THSD7A: variants seen among roughly 807,000 people sequenced by gnomAD.
THSD7A encodes the protein thrombospondin type 1 domain containing 7A, also known as thrombospondin type-1 domain-containing protein 7A.
A neutral mutation model predicts 231.3 loss-of-function variants in THSD7A; 96 were observed. The observed-to-expected ratio is 0.41, with a 90% CI of 0.35 to 0.49. The LOEUF (loss-of-function observed/expected upper bound fraction) is 0.49. THSD7A is among the 20% of genes least tolerant of loss of function. The probability of loss-of-function intolerance (pLI) is 0.05; values close to 1 mark genes in which losing one functional copy is unlikely to be tolerated. For synonymous variants in THSD7A, 940 were observed against 743.3 expected, an observed-to-expected ratio of 1.26 and a Z score of -4.30; for missense variants, 2,290 against 2,070.2, an observed-to-expected ratio of 1.11 and a Z score of -2.06.
intron 1 of THSD7A, among the ~76,000 whole-genome samples, chr7:11,723,393 T>C (rs745945731): frequency 1.3e-5 from 2 of 151,056 alleles, no homozygotes; most frequent in Non-Finnish European, 2.9e-5. Context: ...AGTTAATGAG[T>C]GCAGCACACA....
chr7:11,802,856 C>T (rs1454206698), intron 1 of THSD7A, among the ~76,000 whole-genome samples: 2 of 152,016 alleles, frequency 1.3e-5, no homozygotes, highest in Admixed American at 6.6e-5. Flanking sequence ...TGTGAAGTTC[C>T]GTGCTATGTT....
At chr7:11,582,525 C>A (rs1791210602) in intron 4 of THSD7A, among the ~76,000 whole-genome samples, 1 of 152,076 alleles carries the variant, frequency 6.6e-6, no homozygotes, top group African/African-American at 2.4e-5. Flanking sequence ...TTACCAAATT[C>A]TTTTCTCATC....
Position 11,529,984 on chromosome 7 carries a change from C to T in THSD7A, c.1822+11435G>A, listed in dbSNP as rs144904312. 3.9e-5 allele frequency among the ~76,000 whole-genome samples: 6 copies of T among 152,222 alleles called. No homozygotes were observed. The East Asian group carries it at 9.7e-4, about 25-fold the overall frequency. ...TTGCACTACAAAACAGCATTATAAA[C>T]AGGTCTCATTTCACAGAAAAGGAAA... On this transcript the variant is annotated intron_variant, in intron 6 of 27. Coordinates refer to ENST00000423059, the MANE Select transcript of THSD7A (RefSeq NM_015204.3).
intron 1 of THSD7A, among the ~76,000 whole-genome samples, chr7:11,660,183 T>G (rs1391461727): frequency 1.3e-5 from 2 of 151,552 alleles, no homozygotes; most frequent in Admixed American, 6.6e-5. Flanking sequence ...TTTCAACAGA[T>G]AGAGAGTAAC....
intron 1 of THSD7A, among the ~76,000 whole-genome samples, chr7:11,774,279 A>G (rs1783329782): frequency 6.6e-6 from 1 of 152,210 alleles, no homozygotes; most frequent in Non-Finnish European, 1.5e-5. Flanking sequence ...TAAGGTATTA[A>G]CAATAGTCAA....
chr7:11,460,818 TCA>T lies in THSD7A; in HGVS notation c.2502-55_2502-54del, dbSNP rs1785479558. 5 of 1,419,140 alleles carry T rather than the reference TCA, an allele frequency of 3.5e-6. No individual in the cohort carries two copies. The African/African-American group carries it at 7.0e-5, about 20-fold the overall frequency. The allele number at this position is 1,419,140 out of a possible 1,614,324, so 87.9% of individuals were successfully genotyped here. ...GGGAAGAAGCAAAAATGCCAGCAAA[TCA>T]CAGAGACACAGCAGCATGGAAACAT... On this transcript the variant is annotated intron_variant, in intron 10 of 27. Transcript: ENST00000423059.
At chr7:11,659,586 T>C (rs1440530780) in intron 1 of THSD7A, among the ~76,000 whole-genome samples, 1 of 151,502 alleles carries the variant, frequency 6.6e-6, no homozygotes, top group African/African-American at 2.4e-5. Flanking sequence ...ACTTAGTGTG[T>C]TGCAATTATC....
intron 8 of THSD7A, among the ~76,000 whole-genome samples, chr7:11,470,385 C>T (rs1785888854): frequency 6.6e-6 from 1 of 151,912 alleles, no homozygotes; most frequent in Non-Finnish European, 1.5e-5. Flanking sequence ...ATTTGTATGA[C>T]TAGGCCTTTT....
chr7:11,580,050 T>G (rs1402985147), intron 4 of THSD7A, among the ~76,000 whole-genome samples: 1 of 151,868 alleles, frequency 6.6e-6, no homozygotes, highest in Non-Finnish European at 1.5e-5. Flanking sequence ...AATCTGGCTG[T>G]TTTTTTTAAA....
chr7:11,394,231 T>A (rs984675231), intron 23 of THSD7A, among the ~76,000 whole-genome samples: 1 of 151,796 alleles, frequency 6.6e-6, no homozygotes, highest in Non-Finnish European at 1.5e-5. Flanking sequence ...TTAAAGAATT[T>A]TCAATCCACA....
intron 1 of THSD7A, among the ~76,000 whole-genome samples, chr7:11,755,822 G>A (rs1782655416): frequency 6.6e-6 from 1 of 152,004 alleles, no homozygotes; most frequent in Admixed American, 6.6e-5. Context: ...CTTAGAAACA[G>A]ATCTAGATGT....
At chr7:11,587,543 G>A (rs966664749) in intron 4 of THSD7A, among the ~76,000 whole-genome samples, 2 of 152,016 alleles carry the variant, frequency 1.3e-5, no homozygotes, top group Non-Finnish European at 2.9e-5. Flanking sequence ...TCCAACTTAG[G>A]ATATGTTCTG....
intron 19 of THSD7A, 88 bp from the exon 20 acceptor site, chr7:11,407,511 G>T: frequency 1.1e-6 from 1 of 918,006 alleles, no homozygotes. Flanking sequence ...GAGAAGGAGG[G>T]AGAAAAAGCA....
intron 1 of THSD7A, among the ~76,000 whole-genome samples, chr7:11,827,202 T>C (rs1192055379): frequency 1.3e-5 from 2 of 152,100 alleles, no homozygotes; most frequent in Non-Finnish European, 2.9e-5. Context: ...ATTTTTAATA[T>C]CTGAAATTCT....
chr7:11,449,068 A>C (rs1161824990), intron 11 of THSD7A, among the ~76,000 whole-genome samples: 1 of 152,076 alleles, frequency 6.6e-6, no homozygotes. Flanking sequence ...GGTGGTTCTC[A>C]TGTCTGGCTG....
intron 6 of THSD7A, 115 bp from the exon 7 acceptor site, chr7:11,482,097 A>G (rs1786451529): frequency 8.4e-7 from 1 of 1,190,532 alleles, no homozygotes. Context: ...TCTTACTTAA[A>G]AAAACGTAGC....
At chr7:11,654,027 A>G (rs147194280) in intron 1 of THSD7A, among the ~76,000 whole-genome samples, 1 of 151,948 alleles carries the variant, frequency 6.6e-6, no homozygotes, top group Non-Finnish European at 1.5e-5. Context: ...GGAGAAGAAG[A>G]AGCACAATCC....
chr7:11,469,789 A>G (rs1357501273), intron 9 of THSD7A, 90 bp downstream of exon 9: 1 of 854,702 alleles, frequency 1.2e-6, no homozygotes, highest in Non-Finnish European at 1.9e-6. Context: ...CCCTGTGCAA[A>G]ACTCACAAAC....
chr7:11,537,273 G>C (rs148240729), intron 6 of THSD7A, among the ~76,000 whole-genome samples: 2 of 152,270 alleles, frequency 1.3e-5, no homozygotes, highest in East Asian at 3.9e-4. Flanking sequence ...CACATGGCAA[G>C]CCAGTGCCCT....
Sources: allele counts gnomAD v4.1 joint callset (sites outside exome capture counted in the v4.1 genomes callset), GRCh38; gene constraint gnomAD v4.1.1; transcripts MANE v1.5; gene names NCBI Gene and HGNC (gene_info 2026-07-23, HGNC 2026-07-21).